The following GPR137B variants were observed in gnomAD, a reference collection of about 807,000 sequenced individuals.
GPR137B encodes integral membrane protein GPR137B.
Under a neutral mutation model 42.5 loss-of-function variants are expected in GPR137B, and 42 were observed. The ratio of observed to expected loss-of-function variants is 0.99; its 90% CI spans 0.77 to 1.28. The LOEUF (loss-of-function observed/expected upper bound fraction) is 1.28, where lower values mean the gene tolerates loss of function less well. GPR137B is among the 50% of genes most tolerant of loss of function. The probability of loss-of-function intolerance (pLI) is 0.00; values close to 1 mark genes in which losing one functional copy is unlikely to be tolerated. For synonymous variants in GPR137B, 218 were observed against 209.7 expected, an observed-to-expected ratio of 1.04 and a Z score of -0.34; for missense variants, 487 against 493.9, an observed-to-expected ratio of 0.99 and a Z score of 0.13.
chr1:236,146,502 G>T (rs577658495), intron 1 of GPR137B, among the ~76,000 whole-genome samples: 2 of 152,250 alleles, frequency 1.3e-5, no homozygotes, highest in Admixed American at 1.3e-4. Context: ...TTGTGCTTTT[G>T]CAGGGTCCCT....
chr1:236,142,891 C>G lies in GPR137B; in HGVS notation c.269C>G (p.Ser90Cys), dbSNP rs773945482. 3 of 1,614,246 alleles carry G rather than the reference C, an allele frequency of 1.9e-6. No individual in the cohort carries two copies. In the South Asian group the frequency reaches 3.3e-5, roughly 18 times the overall value. Residue 90 changes from serine (S) to cysteine (C), a missense_variant, in exon 1 of 7, where the codon TCC (serine) becomes TGC (cysteine). Transcript: ENST00000366592. ...VFLFLCLFWA[S>C]LRTVLFSFYF... ...CTCTTTCTCTGCCTCTTCTGGGCCT[C>G]CCTGCGGACCGTCCTCTTCTCCTTC...
rs1348325379 is a variant in GPR137B, at chr1:236,168,709, A to C, written c.418A>C (p.Ile140Leu). The C allele has an allele frequency of 6.2e-7, 1 of 1,612,380 alleles. No individual in the cohort carries two copies. The highest frequency in any genetic ancestry group is 1.3e-5 in the African/African-American group (1 of 74,998). ...TLMNLYFTQV[I>L]FKAKSKYSPE... ...CCATGCTTTTCTGTCGTTGCAGGTG[A>C]TTTTCAAAGCCAAGTCAAAATATTC... Residue 140 changes from isoleucine to leucine, a missense_variant, in exon 2 of 7, where the codon ATT (isoleucine) becomes CTT (leucine). By Grantham distance (5) the Ile-to-Leu change is conservative. Coordinates refer to ENST00000366592, the MANE Select transcript of GPR137B (RefSeq NM_003272.4).
intron 5 of GPR137B, among the ~76,000 whole-genome samples, chr1:236,191,923 C>T (rs1313351956): frequency 1.3e-5 from 2 of 152,158 alleles, no homozygotes; most frequent in African/African-American, 2.4e-5. Flanking sequence ...AAGCTGTGCC[C>T]ACAGCTGCCC....
intron 5 of GPR137B, among the ~76,000 whole-genome samples, chr1:236,194,214 G>A (rs1317359312): frequency 7.2e-6 from 1 of 138,072 alleles, no homozygotes; most frequent in Non-Finnish European, 1.5e-5. Flanking sequence ...GAGTTTATCA[G>A]AATGTAACCT....
Position 236,164,787 on chromosome 1 carries a change from G to A in GPR137B, c.415-3919G>A, listed in dbSNP as rs2094044. ...ATATAATTTCAGTTTCACATGCCAG[G>A]AATTCAAACACAACTTTAAAGAACT... On this transcript the variant is annotated intron_variant, in intron 1 of 6. Transcript: ENST00000366592. Among the ~76,000 whole-genome samples, 822 of 152,024 alleles carry A rather than the reference G, an allele frequency of 5.4e-3. 10 individuals are homozygous for A. The highest frequency in any genetic ancestry group is 0.019 in the African/African-American group (791 of 41,494).
Position 236,143,575 on chromosome 1 carries a change from A to T in GPR137B, c.414+539A>T, listed in dbSNP as rs918334358. ...AACCTCCGGCTTAGGAGCTCTACAG[A>T]ACTGCGGCTTACTAACTCATTCCAC... On this transcript the variant is annotated intron_variant, in intron 1 of 6. Transcript: ENST00000366592. Among the ~76,000 whole-genome samples the T allele has an allele frequency of 2.0e-5, 3 of 152,194 alleles. No individual in the cohort carries two copies. The East Asian group carries it at 5.8e-4, about 29-fold the overall frequency.
At chr1:236,154,100 A>G (rs1405746493) in intron 1 of GPR137B, among the ~76,000 whole-genome samples, 4 of 152,076 alleles carry the variant, frequency 2.6e-5, no homozygotes, top group Non-Finnish European at 5.9e-5. Flanking sequence ...TCTCACCAGA[A>G]CCAGATTCTG....
Position 236,156,028 on chromosome 1 carries a change from G to T in GPR137B, c.415-12678G>T, listed in dbSNP as rs1571965460. 3.3e-5 allele frequency among the ~76,000 whole-genome samples: 5 copies of T among 152,268 alleles called. No homozygotes were observed. In the South Asian group the frequency reaches 1.0e-3, roughly 32 times the overall value. ...ATACACCTGAGGAAGGATCATAGGC[G>T]CCAGGTGAGCCAAACAGGACCATGC... On this transcript the variant is annotated intron_variant, in intron 1 of 6. Transcript: ENST00000366592. The surrounding 1 kb of genome is among the most constrained non-coding windows in gnomAD (Gnocchi z 4.8).
intron 5 of GPR137B, among the ~76,000 whole-genome samples, chr1:236,200,304 A>G (rs570207662): frequency 2.0e-5 from 3 of 152,160 alleles, no homozygotes; most frequent in South Asian, 4.1e-4. Context: ...CTATGTGCCA[A>G]TGAAAAGAAT....
At position 236,190,080 on chromosome 1, in the gene GPR137B, G is replaced by A. The variant is rs180718033; in HGVS notation, c.966+6174G>A. Among the ~76,000 whole-genome samples the A allele has an allele frequency of 9.5e-4, 141 of 149,010 alleles. No individual in the cohort carries two copies. In the East Asian group the frequency reaches 0.024, roughly 25 times the overall value. On this transcript the variant is annotated intron_variant, in intron 5 of 6. Transcript: ENST00000366592. ...TACCATTATGTAATGGCCTTTTTTT[G>A]TCTCTTTTGATCTTTGTTGGTTTAA...
At chr1:236,167,503 G>A (rs1662396164) in intron 1 of GPR137B, among the ~76,000 whole-genome samples, 1 of 152,210 alleles carries the variant, frequency 6.6e-6, no homozygotes, top group Admixed American at 6.5e-5. Context: ...GTGGTTGTCA[G>A]GGGCTGGGGG....
At chr1:236,168,015 A>C (rs1459793996) in intron 1 of GPR137B, among the ~76,000 whole-genome samples, 1 of 152,210 alleles carries the variant, frequency 6.6e-6, no homozygotes, top group African/African-American at 2.4e-5. Flanking sequence ...CTTTTGTCCA[A>C]AGATGTTTTG....
intron 2 of GPR137B, among the ~76,000 whole-genome samples, chr1:236,169,780 C>G (rs1423263897): frequency 2.6e-5 from 4 of 152,082 alleles, no homozygotes; most frequent in African/African-American, 9.7e-5. Context: ...TGGCTCACGC[C>G]TGTAATCCCA....
chr1:236,187,110 T>C (rs978878735), intron 5 of GPR137B, among the ~76,000 whole-genome samples: 2 of 152,208 alleles, frequency 1.3e-5, no homozygotes, highest in Non-Finnish European at 2.9e-5. Flanking sequence ...GTGATGAGCA[T>C]ATTTTTCATG....
intron 4 of GPR137B, among the ~76,000 whole-genome samples, chr1:236,182,749 A>ACAAACAAT (rs397830104): frequency 1.3e-5 from 2 of 149,712 alleles, no homozygotes; most frequent in East Asian, 3.9e-4. Context: ...AAACAAACAA[A>ACAAACAAT]AAATATATAT....
intron 1 of GPR137B, among the ~76,000 whole-genome samples, chr1:236,161,665 T>C (rs113021644): frequency 0.022 from 3,419 of 152,266 alleles, 133 homozygotes; most frequent in African/African-American, 0.079. Context: ...TCATGGGGGC[T>C]GGTCTTTCCC....
rs1361528101 is a variant in GPR137B, at chr1:236,208,600, AGGTCACTGAT to A, written c.*450_*459del. The A allele has an allele frequency of 9.2e-6, 9 of 981,084 alleles. No individual in the cohort carries two copies. Among genetic ancestry groups the A allele is most frequent in the Non-Finnish European group, 9.7e-6 (8 of 825,344 alleles). 60.8% of individuals were successfully genotyped at this position (981,084 alleles called of 1,614,324 possible). ...AGTATTCCACAAATCTTACCTCTTT[AGGTCACTGAT>A]GGTCACTCCGATTCTGAGTGCCACA... On this transcript the variant is annotated 3_prime_UTR_variant, in exon 7 of 7. Transcript: ENST00000366592.
chr1:236,198,289 G>C (rs1254195), intron 5 of GPR137B, among the ~76,000 whole-genome samples: 80,171 of 151,412 alleles, frequency 0.53, 23,829 homozygotes, highest in East Asian at 0.85. Flanking sequence ...ACTGCAATCT[G>C]TGCCTCCCAG....
rs10680855 is a variant in GPR137B, at chr1:236,181,893, A to ATTTTAACCTTTTTTTTTTT, written c.837+1869_837+1870insAACCTTTTTTTTTTTTTTT. Among the ~76,000 whole-genome samples the ATTTTAACCTTTTTTTTTTT allele has an allele frequency of 1.2e-4, 15 of 121,512 alleles. 4 individuals are homozygous for ATTTTAACCTTTTTTTTTTT. Among genetic ancestry groups the ATTTTAACCTTTTTTTTTTT allele is most frequent in the African/African-American group, 3.8e-4 (11 of 28,686 alleles). 79.7% of individuals were successfully genotyped at this position (121,512 alleles called of 152,430 possible). A position where few individuals can be genotyped will look rare whatever the true frequency, so the allele number is the denominator to read the frequency against. ...TAGTAAAATACACATAATATTTGCT[A>ATTTTAACCTTTTTTTTTTT]TTTTTTTTTTTTTTTTTTGAGACGG... On this transcript the variant is annotated intron_variant, in intron 4 of 6. Transcript: ENST00000366592.
Sources: gnomAD v4.1 joint callset for allele counts (sites outside exome capture counted in the v4.1 genomes callset) on GRCh38, gnomAD v4.1.1 for gene constraint, Gnocchi (gnomAD v3.1) non-coding constraint, MANE v1.5 for transcripts, NCBI Gene and HGNC (gene_info 2026-07-23, HGNC 2026-07-21) for gene names.